FANCI: variants seen among roughly 807,000 people sequenced by gnomAD.
FANCI encodes Fanconi anemia group I protein.
FANCI carries 156 observed loss-of-function variants against 176.1 expected under a neutral mutation model. That is an observed-to-expected ratio of 0.89 (90% CI 0.78 to 1.01). FANCI has a LOEUF of 1.01. Ranked by LOEUF, FANCI falls within the 50% of genes least tolerant of loss-of-function variation. FANCI has a pLI of 0.00. For missense variants in FANCI, 1,678 were observed against 1,534.1 expected (o/e 1.09, Z -1.57); for synonymous variants, 613 against 541.7 (o/e 1.13, Z -1.83).
At chr15:89,302,238 C>A (rs2054549969) in intron 27 of FANCI, among the ~76,000 whole-genome samples, 1 of 152,144 alleles carries the variant, frequency 6.6e-6, no homozygotes, top group Non-Finnish European at 1.5e-5. Flanking sequence ...GGCGTTTGGG[C>A]ACTAGAAAGC....
chr15:89,299,774 A>C (rs200086287), intron 24 of FANCI, 26 bp from the exon 25 acceptor site: 13 of 1,610,984 alleles, frequency 8.1e-6, no homozygotes, highest in African/African-American at 1.3e-5. Flanking sequence ...TGTCTTTAAA[A>C]ACAATACCAC....
At chr15:89,312,549 G>C (rs2055006822) in intron 34 of FANCI, among the ~76,000 whole-genome samples, 1 of 152,234 alleles carries the variant, frequency 6.6e-6, no homozygotes, top group African/African-American at 2.4e-5. Context: ...GGTGGGCATG[G>C]TGGCTTAGGC....
intron 3 of FANCI, 65 bp downstream of exon 3, chr15:89,258,841 G>A (rs1013494362): frequency 2.0e-5 from 26 of 1,278,242 alleles, no homozygotes; most frequent in East Asian, 1.6e-4. Context: ...TTTAGTTTTC[G>A]TACTTTTCTT....
intron 20 of FANCI, 84 bp from the exon 21 acceptor site, chr15:89,292,604 A>G (rs2054110725): frequency 1.5e-6 from 2 of 1,338,100 alleles, no homozygotes. Context: ...CCTTATAGAT[A>G]AGAATTATTT....
rs1445774560 is a variant in FANCI at position 89,246,765 on chromosome 15, T to TTC, written c.-19-863_-19-862insCT. Among the ~76,000 whole-genome samples, 525 of 125,910 alleles carry TTC rather than the reference T, an allele frequency of 4.2e-3. 7 individuals are homozygous for TTC. Among genetic ancestry groups the TTC allele is most frequent in the African/African-American group, 0.014 (460 of 31,776 alleles). 82.6% of individuals were successfully genotyped at this position (125,910 alleles called of 152,430 possible). On this transcript the variant is annotated intron_variant, in intron 1 of 37. Transcript: ENST00000310775. ...TTTCTTTCTTTCTTTCTTCCTTTCTTTTTTTTTTTTTTTTTTTTGAGACAG... is the reference window on the plus strand; with the variant it reads ...TTTCTTTCTTTCTTTCTTCCTTTCTTTCTTTTTTTTTTTTTTTTTTGAGACAG...
At chr15:89,261,182 G>T (rs2052697611) in intron 4 of FANCI, among the ~76,000 whole-genome samples, 2 of 152,086 alleles carry the variant, frequency 1.3e-5, no homozygotes, top group African/African-American at 4.8e-5. Flanking sequence ...GAGGCAGGAA[G>T]ATCGCCTGAG....
chr15:89,278,658 G>A (rs979311635), intron 13 of FANCI, 29 bp from the exon 14 acceptor site: 4 of 1,570,580 alleles, frequency 2.5e-6, no homozygotes, highest in African/African-American at 1.4e-5. Context: ...GGTCACCCAG[G>A]AATATTTTAT....
chr15:89,262,543 A>G (rs1365508525), intron 6 of FANCI, among the ~76,000 whole-genome samples: 2 of 152,166 alleles, frequency 1.3e-5, no homozygotes, highest in Non-Finnish European at 2.9e-5. Context: ...ACTATGTTAT[A>G]TAATACTGTG....
Position 89,316,974 on chromosome 15 carries a change from A to C in FANCI, c.*515A>C. 1 of 692,944 alleles carries C rather than the reference A, an allele frequency of 1.4e-6. No homozygotes were observed. The highest frequency in any genetic ancestry group is 2.6e-6 in the Non-Finnish European group (1 of 379,898). The allele number at this position is 692,944 out of a possible 1,614,324, so 42.9% of individuals were successfully genotyped here. ...ACGAACGGTAATGTTACATGTTAGG[A>C]GGGTCTGTTTTCTTTTTATATAAGT... On this transcript the variant is annotated 3_prime_UTR_variant, in exon 38 of 38. Transcript: ENST00000310775.
intron 28 of FANCI, 101 bp downstream of exon 28, chr15:89,304,016 C>A: frequency 1.8e-6 from 2 of 1,102,100 alleles, no homozygotes; most frequent in Non-Finnish European, 2.8e-6. Flanking sequence ...TACACATTCA[C>A]CAGAGTGGCC....
At position 89,316,640 on chromosome 15, in the gene FANCI, C is replaced by CA. The variant is rs761972307; in HGVS notation, c.*181_*182insA. The CA allele has an allele frequency of 2.8e-4, 323 of 1,169,846 alleles. No homozygotes were observed. The highest frequency in any genetic ancestry group is 4.0e-4 in the Non-Finnish European group (311 of 782,660). The allele number at this position is 1,169,846 out of a possible 1,614,324, so 72.5% of individuals were successfully genotyped here. A position where few individuals can be genotyped will look rare whatever the true frequency, so the allele number is the denominator to read the frequency against. ...GGCAGGTCCTGCTACTGAAAAATGG[C>CA]TGGCCTTAGGCAAGCCCTTTTGCAA... On this transcript the variant is annotated 3_prime_UTR_variant, in exon 38 of 38. Coordinates refer to ENST00000310775, the MANE Select transcript of FANCI (RefSeq NM_001113378.2).
chr15:89,296,677 G>A (rs569515585), intron 24 of FANCI, among the ~76,000 whole-genome samples: 2 of 152,244 alleles, frequency 1.3e-5, no homozygotes, highest in Admixed American at 1.3e-4. Flanking sequence ...AACCGCCATT[G>A]TCATCGTGGC....
At chr15:89,278,844 C>A in intron 14 of FANCI, 70 bp downstream of exon 14, 2 of 1,343,476 alleles carry the variant, frequency 1.5e-6, no homozygotes, top group South Asian at 1.2e-5. Flanking sequence ...ATCATTTGGT[C>A]CTGGGAAAAA....
In FANCI at chr15:89,294,972, T is replaced by G. The variant is rs1053422129; in HGVS notation, c.2514T>G (p.Phe838Leu). The change falls in exon 24 of 38, where the codon TTT (phenylalanine) becomes TTG (leucine). Residue 838 changes from phenylalanine to leucine, a missense_variant. Transcript: ENST00000310775. ...SLSVLRSSNEFMRYAVNVALQ... is the reference protein window; with the variant it reads ...SLSVLRSSNELMRYAVNVALQ... Reference sequence around the variant, plus strand: ...CTGTTCTCAGGTCCAGCAATGAGTTTATGCGCTATGCAGTGAATGTAGCTC... The same window carrying G: ...CTGTTCTCAGGTCCAGCAATGAGTTGATGCGCTATGCAGTGAATGTAGCTC... The G allele has an allele frequency of 6.4e-7, 1 of 1,552,320 alleles. No homozygotes were observed. The highest frequency in any genetic ancestry group is 8.7e-7 in the Non-Finnish European group (1 of 1,147,150).
intron 3 of FANCI, 74 bp from the exon 4 acceptor site, chr15:89,260,639 A>G: frequency 6.3e-7 from 1 of 1,579,042 alleles, no homozygotes; most frequent in Non-Finnish European, 8.7e-7. Context: ...TTTAACTACA[A>G]ACCTGTTCGT....
rs1457153041 is a variant in FANCI at position 89,263,416 on chromosome 15, C to G, written c.504-3C>G. On this transcript the variant is annotated splice_polypyrimidine_tract_variant and splice_region_variant and intron_variant, in intron 6 of 37. Coordinates refer to ENST00000310775, the MANE Select transcript of FANCI (RefSeq NM_001113378.2). ...AATAAACTTTGTCATTTTCTTCTAC[C>G]AGGTGGGATCAGCAATATGTAATCC... is the stretch of plus-strand genomic sequence containing the variant. 6.2e-7 allele frequency: 1 copy of G among 1,611,518 alleles called. No homozygotes were observed. The highest frequency in any genetic ancestry group is 8.5e-7 in the Non-Finnish European group (1 of 1,177,914).
intron 34 of FANCI, among the ~76,000 whole-genome samples, chr15:89,310,027 A>G (rs936714058): frequency 6.6e-6 from 1 of 152,230 alleles, no homozygotes; most frequent in African/African-American, 2.4e-5. Flanking sequence ...ATTAGTAGTT[A>G]TCCCCATATG....
chr15:89,315,012 C>A (rs549189776), intron 36 of FANCI, among the ~76,000 whole-genome samples: 8 of 152,068 alleles, frequency 5.3e-5, no homozygotes, highest in Non-Finnish European at 1.2e-4. Flanking sequence ...TCTCACTATG[C>A]TGCCCAGGCT....
chr15:89,258,636 A>AT (rs2052595086), intron 2 of FANCI, 68 bp from the exon 3 acceptor site: 1 of 1,150,940 alleles, frequency 8.7e-7, no homozygotes, highest in Non-Finnish European at 1.3e-6. Flanking sequence ...ACTTTTTCAT[A>AT]TTGAGTGTTT....
Sources: gnomAD v4.1 joint callset for allele counts (sites outside exome capture counted in the v4.1 genomes callset) on GRCh38, gnomAD v4.1.1 for gene constraint, MANE v1.5 for transcripts, NCBI Gene and HGNC (gene_info 2026-07-23, HGNC 2026-07-21) for gene names.